Variants in PTPRM observed in about 807,000 individuals in gnomAD.
PTPRM encodes the protein protein tyrosine phosphatase receptor type M, also known as receptor-type tyrosine-protein phosphatase mu.
PTPRM carries 47 observed loss-of-function variants against 186.7 expected under a neutral mutation model. The observed-to-expected ratio is 0.25, with a 90% confidence interval of 0.20 to 0.32. The LOEUF is 0.32. PTPRM is among the 10% of genes least tolerant of loss of function. The probability of loss-of-function intolerance (pLI) is 1.00; values close to 1 mark genes in which losing one functional copy is unlikely to be tolerated. For synonymous variants in PTPRM, 668 were observed against 674.9 expected, an observed-to-expected ratio of 0.99 and a Z score of 0.16; for missense variants, 1,494 against 1,865.0, an observed-to-expected ratio of 0.80 and a Z score of 3.66.
chr18:8,278,275 G>A (rs145750410), intron 19 of PTPRM, among the ~76,000 whole-genome samples: 8 of 152,322 alleles, frequency 5.3e-5, no homozygotes, highest in African/African-American at 1.9e-4. Flanking sequence ...TGTCTCTGCA[G>A]CTGAACTTTT....
chr18:7,997,726 G>A (rs2083623447), intron 7 of PTPRM, among the ~76,000 whole-genome samples: 1 of 152,084 alleles, frequency 6.6e-6, no homozygotes, highest in Non-Finnish European at 1.5e-5. Flanking sequence ...TGACCTAAGT[G>A]AACATTTCTC....
intron 23 of PTPRM, among the ~76,000 whole-genome samples, chr18:8,351,747 G>A (rs755691333): frequency 2.0e-5 from 3 of 152,130 alleles, no homozygotes; most frequent in Non-Finnish European, 4.4e-5. Flanking sequence ...TTGGCAGTGT[G>A]GCCTGTGATG....
At chr18:8,238,978 C>CTTT (rs570808996) in intron 14 of PTPRM, among the ~76,000 whole-genome samples, 35 of 143,270 alleles carry the variant, frequency 2.4e-4, no homozygotes, top group South Asian at 6.7e-4. Flanking sequence ...CATAGCTTCT[C>CTTT]TTTTTTTTTT....
chr18:7,643,479 A>G (rs987582008), intron 1 of PTPRM, among the ~76,000 whole-genome samples: 1 of 152,094 alleles, frequency 6.6e-6, no homozygotes. Context: ...AGCTGGGACT[A>G]CAGGTGCCAG....
chr18:7,661,332 C>T (rs2038976254), intron 1 of PTPRM, among the ~76,000 whole-genome samples: 1 of 152,172 alleles, frequency 6.6e-6, no homozygotes, highest in Non-Finnish European at 1.5e-5. Context: ...TGAGATCTCC[C>T]ATTGGTTTTG....
chr18:8,385,339 C>A (rs1157714268), intron 30 of PTPRM, among the ~76,000 whole-genome samples: 2 of 152,110 alleles, frequency 1.3e-5, no homozygotes, highest in African/African-American at 2.4e-5. Context: ...ATAACAGATA[C>A]AATAATAGAT....
intron 1 of PTPRM, among the ~76,000 whole-genome samples, chr18:7,639,569 T>C (rs961805400): frequency 1.3e-5 from 2 of 151,692 alleles, no homozygotes; most frequent in Non-Finnish European, 2.9e-5. Flanking sequence ...GTATTTTTAG[T>C]AGAGATGGGG....
intron 7 of PTPRM, among the ~76,000 whole-genome samples, chr18:7,964,352 G>A (rs1420170299): frequency 2.6e-5 from 4 of 152,196 alleles, no homozygotes; most frequent in Admixed American, 6.5e-5. Flanking sequence ...TTGGGTGGGT[G>A]AATGTTGGTT....
intron 7 of PTPRM, among the ~76,000 whole-genome samples, chr18:7,977,474 C>T (rs2055033072): frequency 6.6e-6 from 1 of 152,076 alleles, no homozygotes; most frequent in African/African-American, 2.4e-5. Flanking sequence ...CACCGATGGC[C>T]TTTGTTCTGG....
intron 22 of PTPRM, among the ~76,000 whole-genome samples, chr18:8,334,950 T>G (rs2095430678): frequency 6.6e-6 from 1 of 152,180 alleles, no homozygotes; most frequent in Non-Finnish European, 1.5e-5. Context: ...AGCCCACACC[T>G]GATCAAACCT....
In PTPRM at chr18:8,052,470, T is replaced by C. The variant is rs548241105; in HGVS notation, c.1133-17216T>C. Among the ~76,000 whole-genome samples, 5 of 152,294 alleles carry C rather than the reference T, an allele frequency of 3.3e-5. No individual in the cohort carries two copies. The South Asian group carries it at 1.0e-3, about 32-fold the overall frequency. ...GCCTACAACATTCAATACAGAAACA[T>C]GCTCTTCAGGTTTGTAACCTAGGGG... On this transcript the variant is annotated intron_variant, in intron 7 of 32. Coordinates refer to ENST00000580170, the MANE Select transcript of PTPRM (RefSeq NM_001105244.2).
At chr18:8,202,126 C>T (rs1034812191) in intron 14 of PTPRM, among the ~76,000 whole-genome samples, 1 of 152,168 alleles carries the variant, frequency 6.6e-6, no homozygotes, top group African/African-American at 2.4e-5. Context: ...AGGCAAGGCA[C>T]ATCATGGGCT....
At chr18:7,974,582 C>G (rs1307140375) in intron 7 of PTPRM, among the ~76,000 whole-genome samples, 1 of 152,326 alleles carries the variant, frequency 6.6e-6, no homozygotes, top group Middle Eastern at 3.4e-3. Flanking sequence ...ATAGGTAAGG[C>G]ACCCTTTACA....
chr18:7,648,849 CAGA>C (rs1447738682), intron 1 of PTPRM, among the ~76,000 whole-genome samples: 1 of 152,150 alleles, frequency 6.6e-6, no homozygotes, highest in East Asian at 1.9e-4. Context: ...GCCTGTTATC[CAGA>C]AGATCTGGCT....
At chr18:8,322,137 C>T (rs1448940601) in intron 22 of PTPRM, among the ~76,000 whole-genome samples, 1 of 152,112 alleles carries the variant, frequency 6.6e-6, no homozygotes, top group Non-Finnish European at 1.5e-5. Flanking sequence ...ACAGCAGGAA[C>T]CTATGAAACT....
chr18:7,813,569 C>G (rs563652503), intron 2 of PTPRM, among the ~76,000 whole-genome samples: 1 of 152,148 alleles, frequency 6.6e-6, no homozygotes, highest in Non-Finnish European at 1.5e-5. Context: ...CTTGGAACTT[C>G]GTGGGCCTTC....
At chr18:8,143,571 C>G (rs369971141) in intron 13 of PTPRM, 76 bp from the exon 14 acceptor site, 1 of 1,479,824 alleles carries the variant, frequency 6.8e-7, no homozygotes, top group South Asian at 1.2e-5. Flanking sequence ...TTAAATGCAG[C>G]GAAATTTTTT....
At chr18:8,010,869 A>G (rs754304019) in intron 7 of PTPRM, among the ~76,000 whole-genome samples, 1 of 152,154 alleles carries the variant, frequency 6.6e-6, no homozygotes, top group Non-Finnish European at 1.5e-5. Context: ...ACTGCAGGAG[A>G]TGAAAGACAG....
At chr18:8,274,390 T>A (rs1015875306) in intron 19 of PTPRM, among the ~76,000 whole-genome samples, 2 of 152,234 alleles carry the variant, frequency 1.3e-5, no homozygotes, top group Non-Finnish European at 2.9e-5. Context: ...TTTAAAAATC[T>A]GCCAATATTT....
Sources: gnomAD v4.1 joint callset for allele counts (sites outside exome capture counted in the v4.1 genomes callset) on GRCh38, gnomAD v4.1.1 for gene constraint, MANE v1.5 for transcripts, NCBI Gene and HGNC (gene_info 2026-07-23, HGNC 2026-07-21) for gene names.